Variants in LCOR observed in about 807,000 individuals in gnomAD.
LCOR encodes ligand dependent nuclear receptor corepressor, also known as ligand-dependent corepressor.
In LCOR, 14 loss-of-function variants were observed where a neutral mutation model predicts 64.4. The observed-to-expected ratio is 0.22, with a 90% CI of 0.14 to 0.34. The LOEUF (loss-of-function observed/expected upper bound fraction) is 0.34, where lower values mean the gene tolerates loss of function less well. Among genes scored for constraint, LCOR ranks in the 10% least tolerant of loss-of-function variants. The pLI is 1.00. For missense variants in LCOR, 1,686 were observed against 1,765.3 expected (o/e 0.96, Z 0.80); for synonymous variants, 643 against 642.5 (o/e 1.00, Z -0.01).
intron 4 of LCOR, among the ~76,000 whole-genome samples, chr10:96,937,457 T>A (rs1008811046): frequency 1.3e-5 from 2 of 152,190 alleles, no homozygotes; most frequent in Admixed American, 1.3e-4. Context: ...AATTAGTAAT[T>A]TATAAACTCC....
At chr10:96,843,729 T>C (rs1382826857) in intron 2 of LCOR, among the ~76,000 whole-genome samples, 1 of 152,190 alleles carries the variant, frequency 6.6e-6, no homozygotes, top group Non-Finnish European at 1.5e-5. Context: ...TTGGAGCAAA[T>C]TCCAGACACC....
At chr10:96,873,243 TA>T (rs1846102145) in intron 2 of LCOR, among the ~76,000 whole-genome samples, 1 of 152,214 alleles carries the variant, frequency 6.6e-6, no homozygotes, top group Non-Finnish European at 1.5e-5. Context: ...GGAAGTACTG[TA>T]ATTAGTTTCT....
intron 7 of LCOR, among the ~76,000 whole-genome samples, chr10:96,952,749 T>A (rs1369531145): frequency 6.6e-6 from 1 of 151,940 alleles, no homozygotes; most frequent in African/African-American, 2.4e-5. Context: ...CTCTTAGGAG[T>A]CTAAAGTAAA....
chr10:96,952,138 T>C lies in LCOR; in HGVS notation c.274T>C (p.Cys92Arg). Residue 92 changes from cysteine to arginine, a missense_variant, in exon 7 of 8, where the codon TGT becomes CGT. Physicochemically the swap from Cys to Arg is radical, Grantham distance 180. Coordinates refer to ENST00000421806, the MANE Select transcript of LCOR (RefSeq NM_001346516.2). ...TGATCTGTCCACTAAGAAAAGTCCA[T>C]GTGCTGGCAGCACTTCCCTGAGCCA... ...VLDLSTKKSP[C>R]AGSTSLSHSP... 3.7e-6 allele frequency: 6 copies of C among 1,614,080 alleles called. No homozygotes were observed. The highest frequency in any genetic ancestry group is 5.1e-6 in the Non-Finnish European group (6 of 1,179,934).
At chr10:96,907,233 TGTG>T (rs1000063992) in intron 2 of LCOR, 29 bp from the exon 3 acceptor site, 8 of 773,718 alleles carry the variant, frequency 1.0e-5, no homozygotes, top group Non-Finnish European at 1.3e-5. Flanking sequence ...TGAATATTAT[TGTG>T]GTAATGGATT....
chr10:96,889,806 AT>A (rs1301113650), intron 2 of LCOR, among the ~76,000 whole-genome samples: 1 of 152,178 alleles, frequency 6.6e-6, no homozygotes, highest in Non-Finnish European at 1.5e-5. Flanking sequence ...GTTGGTGGAC[AT>A]TTGAGTGTTT....
At chr10:96,976,047 G>C (rs1223197204) in intron 7 of LCOR, among the ~76,000 whole-genome samples, 26 of 152,122 alleles carry the variant, frequency 1.7e-4, no homozygotes, top group Admixed American at 1.7e-3. Flanking sequence ...CAAGCACAGT[G>C]GCTTAGGATT....
At chr10:96,876,834 C>T (rs1846173928) in intron 2 of LCOR, among the ~76,000 whole-genome samples, 1 of 152,120 alleles carries the variant, frequency 6.6e-6, no homozygotes, top group Non-Finnish European at 1.5e-5. Flanking sequence ...GGATTGCTTA[C>T]AGGTGCCTGT....
At chr10:96,833,559 T>A in intron 2 of LCOR, 80 bp downstream of exon 2, 1 of 543,518 alleles carries the variant, frequency 1.8e-6, no homozygotes, top group Non-Finnish European at 2.4e-6. Flanking sequence ...TCTCCTGTCC[T>A]CCAGCATTGT....
Position 96,981,575 on chromosome 10 carries a change from G to A in LCOR, c.1115G>A (p.Cys372Tyr), listed in dbSNP as rs1308303694. ...GCTGACAAAGAGAATACTTTACAGT[G>A]TCCAAAAACACCTTTGCGCCAGGAT... is the stretch of plus-strand genomic sequence containing the variant. ...RTADKENTLQ[C>Y]PKTPLRQDLE... Residue 372 changes from cysteine (C) to tyrosine (Y), a missense_variant, in exon 8 of 8, where the codon TGT becomes TAT. Coordinates refer to ENST00000421806, the MANE Select transcript of LCOR (RefSeq NM_001346516.2). The A allele has an allele frequency of 6.2e-6, 10 of 1,614,112 alleles. No individual in the cohort carries two copies. The highest frequency in any genetic ancestry group is 8.5e-6 in the Non-Finnish European group (10 of 1,180,028).
chr10:96,869,699 C>G (rs548969883), intron 2 of LCOR, among the ~76,000 whole-genome samples: 12 of 151,924 alleles, frequency 7.9e-5, no homozygotes, highest in African/African-American at 2.2e-4. Flanking sequence ...CTCAGCCTTC[C>G]AAGTAGCTGG....
intron 7 of LCOR, among the ~76,000 whole-genome samples, chr10:96,965,538 T>G (rs989065113): frequency 5.3e-5 from 8 of 150,330 alleles, no homozygotes; most frequent in African/African-American, 2.0e-4. Flanking sequence ...GGCGGGCGCC[T>G]GTAGTCCCAG....
intron 2 of LCOR, among the ~76,000 whole-genome samples, chr10:96,838,700 A>C (rs920642520): frequency 1.3e-5 from 2 of 152,338 alleles, no homozygotes; most frequent in African/African-American, 2.4e-5. Flanking sequence ...TTGTGTGGAC[A>C]TACCACATTT....
intron 4 of LCOR, among the ~76,000 whole-genome samples, chr10:96,912,607 T>TTTCTTC (rs1554836477): frequency 2.2e-4 from 31 of 140,394 alleles, no homozygotes; most frequent in African/African-American, 8.4e-4. Flanking sequence ...TTTCTTCCTT[T>TTTCTTC]CTTCCTTCCT....
chr10:96,961,322 T>C (rs898242075), intron 7 of LCOR: 4 of 152,220 alleles, frequency 2.6e-5, no homozygotes, highest in African/African-American at 9.6e-5. Flanking sequence ...AAGCAAGCAC[T>C]TTTAGTTAAT....
intron 2 of LCOR, among the ~76,000 whole-genome samples, chr10:96,874,027 A>G (rs932601045): frequency 6.6e-6 from 1 of 152,102 alleles, no homozygotes; most frequent in African/African-American, 2.4e-5. Context: ...CCCAGAAAGA[A>G]TTTTCTTGAA....
intron 2 of LCOR, among the ~76,000 whole-genome samples, chr10:96,882,771 T>C (rs1407720291): frequency 6.6e-6 from 1 of 152,196 alleles, no homozygotes; most frequent in Non-Finnish European, 1.5e-5. Flanking sequence ...CACTGGTCTT[T>C]CTACTGTCTC....
At chr10:96,978,309 T>A (rs1006307476) in intron 7 of LCOR, among the ~76,000 whole-genome samples, 3 of 152,238 alleles carry the variant, frequency 2.0e-5, no homozygotes, top group African/African-American at 7.2e-5. Context: ...AGGAAGAAGA[T>A]AATATTTGCC....
At position 96,921,899 on chromosome 10, in the gene LCOR, T is replaced by C. The variant is rs566083287; in HGVS notation, c.-184+14152T>C. Among the ~76,000 whole-genome samples, 14 of 152,354 alleles carry C rather than the reference T, an allele frequency of 9.2e-5. No homozygotes were observed. The South Asian group carries it at 1.4e-3, about 16-fold the overall frequency. On this transcript the variant is annotated intron_variant, in intron 4 of 7. Coordinates refer to ENST00000421806, the MANE Select transcript of LCOR (RefSeq NM_001346516.2). ...CATCTGAGCGTTTATTTCTGGACTA[T>C]CTATTTCTGTTTCATTAGTCTATGT...
Sources: allele counts gnomAD v4.1 joint callset (sites outside exome capture counted in the v4.1 genomes callset), GRCh38; gene constraint gnomAD v4.1.1; transcripts MANE v1.5; gene names NCBI Gene and HGNC (gene_info 2026-07-23, HGNC 2026-07-21).